Variants in HSF2BP observed in about 807,000 individuals in gnomAD.
The protein encoded by HSF2BP is heat shock transcription factor 2 binding protein.
HSF2BP carries 35 observed loss-of-function variants against 35.0 expected under a neutral mutation model. The observed-to-expected ratio is 1.00, with a 90% confidence interval of 0.76 to 1.32. The LOEUF is 1.32. Among genes scored for constraint, HSF2BP ranks in the 40% most tolerant of loss-of-function variants. The probability of loss-of-function intolerance (pLI) is 0.00; values close to 1 mark genes in which losing one functional copy is unlikely to be tolerated. For missense variants in HSF2BP, 326 were observed against 321.7 expected (o/e 1.01, Z -0.10); for synonymous variants, 114 against 117.4 (o/e 0.97, Z 0.18).
Position 43,633,269 on chromosome 21 carries a change from TAC to T in HSF2BP, c.441+1_441+2del. 6.2e-7 allele frequency: 1 copy of T among 1,611,478 alleles called. No individual in the cohort carries two copies. The highest frequency in any genetic ancestry group is 8.5e-7 in the Non-Finnish European group (1 of 1,179,298). On this transcript the variant is annotated splice_donor_variant, in intron 5 of 8. Coordinates refer to ENST00000291560, the MANE Select transcript of HSF2BP (RefSeq NM_007031.2). LOFTEE classifies it high-confidence loss of function. ...ATCTGGAGAGCCCACTGACCATACT[TAC>T]TCCTCCCAAAATGGCCTTGACGACT...
At chr21:43,574,917 T>C (rs957055273) in intron 8 of HSF2BP, among the ~76,000 whole-genome samples, 1 of 152,196 alleles carries the variant, frequency 6.6e-6, no homozygotes, top group African/African-American at 2.4e-5. Context: ...GCACGAGCCA[T>C]GGCAGACACA....
At chr21:43,627,175 A>G (rs2082400791) in intron 6 of HSF2BP, among the ~76,000 whole-genome samples, 1 of 152,212 alleles carries the variant, frequency 6.6e-6, no homozygotes, top group Non-Finnish European at 1.5e-5. Context: ...CCTTGCTTCT[A>G]TACTGAGAAA....
chr21:43,644,777 G>GA (rs1237854771), intron 3 of HSF2BP, among the ~76,000 whole-genome samples: 11 of 152,338 alleles, frequency 7.2e-5, no homozygotes, highest in Non-Finnish European at 1.3e-4. Flanking sequence ...GCAGCTCAGG[G>GA]AGTGCACGGC....
At chr21:43,599,569 A>C in intron 7 of HSF2BP, among the ~76,000 whole-genome samples, 1 of 152,066 alleles carries the variant, frequency 6.6e-6, no homozygotes, top group East Asian at 1.9e-4. Context: ...TGAGGCGGGC[A>C]GGTCACTTGA....
intron 7 of HSF2BP, among the ~76,000 whole-genome samples, chr21:43,608,206 G>A (rs911897888): frequency 6.6e-6 from 1 of 152,070 alleles, no homozygotes; most frequent in African/African-American, 2.4e-5. Context: ...TCCAACAAAA[G>A]TCTAATATCC....
chr21:43,629,531 C>T (rs1187640269), intron 6 of HSF2BP, among the ~76,000 whole-genome samples: 1 of 152,198 alleles, frequency 6.6e-6, no homozygotes, highest in Non-Finnish European at 1.5e-5. Flanking sequence ...CGCCGTTGCA[C>T]TCCAGCCTGG....
Position 43,659,294 on chromosome 21 carries a change from G to C in HSF2BP, c.-225+92C>G, listed in dbSNP as rs1458494893. 1 of 153,368 alleles carries C rather than the reference G, an allele frequency of 6.5e-6. No homozygotes were observed. Among genetic ancestry groups the C allele is most frequent in the East Asian group, 1.9e-4 (1 of 5,230 alleles). 9.5% of individuals were successfully genotyped at this position (153,368 alleles called of 1,614,324 possible). On this transcript the variant is annotated intron_variant, in intron 1 of 8. Transcript: ENST00000291560. The surrounding 1 kb of genome is among the most constrained non-coding windows in gnomAD (Gnocchi z 4.2). The stretch of plus-strand genomic sequence containing the variant: ...ACTGCATTCCAGCCTGGGCGACAGA[G>C]GGAGACCCTGTCTCAAAAACAAACA...
At chr21:43,467,835 CACACACCACAT>C in the HSF2BP span, among the ~76,000 whole-genome samples, 1 of 140,006 alleles carries the variant, frequency 7.1e-6, no homozygotes, top group Non-Finnish European at 1.6e-5. Flanking sequence ...CCACACACAC[CACACACCACAT>C]ACACACCACA....
intron 6 of HSF2BP, 50 bp from the exon 7 acceptor site, chr21:43,613,997 T>C (rs2146923636): frequency 7.5e-7 from 1 of 1,326,508 alleles, no homozygotes; most frequent in South Asian, 1.2e-5. Context: ...ACTCAGAACC[T>C]AGACAATTTT....
At chr21:43,609,010 T>C (rs185223427) in intron 7 of HSF2BP, among the ~76,000 whole-genome samples, 44 of 152,042 alleles carry the variant, frequency 2.9e-4, no homozygotes, top group African/African-American at 1.0e-3. Flanking sequence ...AGCAAAGACA[T>C]AGAATCAACC....
rs1431281670 is a variant in HSF2BP at position 43,633,413 on chromosome 21, C to A, written c.300G>T (p.Leu100=). Residue 100 remains leucine (L), a synonymous_variant, in exon 5 of 9, where the codon CTG becomes CTT. Coordinates refer to ENST00000291560, the MANE Select transcript of HSF2BP (RefSeq NM_007031.2). The stretch of plus-strand genomic sequence containing the variant: ...CTTCATTCAACTGCTGTCGAAGAGC[C>A]AGTTTCTCCTAAAAGCAAAACAAAA... The part of the protein sequence containing the change: ...ADNIREKKEK[L]ALRQQLNEAK... The A allele has an allele frequency of 1.9e-6, 3 of 1,607,800 alleles. No individual in the cohort carries two copies. Among genetic ancestry groups the A allele is most frequent in the South Asian group, 2.2e-5 (2 of 89,442 alleles).
At chr21:43,495,650 G>C in the HSF2BP span, among the ~76,000 whole-genome samples, 9 of 121,024 alleles carry the variant, frequency 7.4e-5, 1 homozygote, top group African/African-American at 2.7e-4. Context: ...GCAGATGCTT[G>C]CTTGAAAGAG....
At chr21:43,587,596 C>T (rs573710610) in intron 8 of HSF2BP, among the ~76,000 whole-genome samples, 14 of 138,394 alleles carry the variant, frequency 1.0e-4, no homozygotes, top group African/African-American at 3.0e-4. Context: ...AGCCGGGAGG[C>T]GGAGGTTGTG....
chr21:43,609,665 G>A (rs1427687002), intron 7 of HSF2BP, among the ~76,000 whole-genome samples: 1 of 152,036 alleles, frequency 6.6e-6, no homozygotes, highest in East Asian at 1.9e-4. Context: ...TCAAGGGTGG[G>A]CGTTAGTGAA....
At chr21:43,614,995 C>T (rs1225763566) in intron 6 of HSF2BP, among the ~76,000 whole-genome samples, 1 of 152,216 alleles carries the variant, frequency 6.6e-6, no homozygotes, top group Admixed American at 6.5e-5. Context: ...CCCTGCGAAT[C>T]GGCCTGAAGA....
At chr21:43,577,909 T>C (rs2081664411) in intron 8 of HSF2BP, among the ~76,000 whole-genome samples, 1 of 152,184 alleles carries the variant, frequency 6.6e-6, no homozygotes, top group Non-Finnish European at 1.5e-5. Flanking sequence ...TACTTCATAA[T>C]ATTCTCCCCG....
chr21:43,653,583 T>C (rs1460502223), intron 3 of HSF2BP, among the ~76,000 whole-genome samples: 1 of 152,132 alleles, frequency 6.6e-6, no homozygotes, highest in East Asian at 1.9e-4. Flanking sequence ...TAAGCCGTAG[T>C]ATGGTTTTGC....
chr21:43,658,047 G>A lies in HSF2BP; in HGVS notation c.36+14C>T, dbSNP rs1165091055. On this transcript the variant is annotated intron_variant, in intron 2 of 8. Coordinates refer to ENST00000291560, the MANE Select transcript of HSF2BP (RefSeq NM_007031.2). ...TTCAAACACGCTGGCGTCGGCCAGGGCTTCCTCACTAACCCGGCAGGCCTC... is the reference window on the plus strand; with the variant it reads ...TTCAAACACGCTGGCGTCGGCCAGGACTTCCTCACTAACCCGGCAGGCCTC... 1.3e-6 allele frequency: 2 copies of A among 1,535,796 alleles called. No homozygotes were observed. The highest frequency in any genetic ancestry group is 1.7e-6 in the Non-Finnish European group (2 of 1,146,282).
intron 4 of HSF2BP, among the ~76,000 whole-genome samples, chr21:43,643,329 A>AT (rs912842938): frequency 1.3e-5 from 2 of 152,036 alleles, no homozygotes; most frequent in African/African-American, 4.8e-5. Context: ...TTGAAATTTG[A>AT]TCCCCAATGT....
Sources: gnomAD v4.1 joint callset for allele counts (sites outside exome capture counted in the v4.1 genomes callset) on GRCh38, gnomAD v4.1.1 for gene constraint, Gnocchi (gnomAD v3.1) non-coding constraint, MANE v1.5 for transcripts, NCBI Gene and HGNC (gene_info 2026-07-23, HGNC 2026-07-21) for gene names.